Variants in RAD51B observed in about 807,000 individuals in gnomAD.
RAD51B encodes RAD51 paralog B.
In RAD51B, 38 loss-of-function variants were observed where a neutral mutation model predicts 42.2. The ratio of observed to expected loss-of-function variants is 0.90; its 90% CI spans 0.70 to 1.18. The LOEUF is 1.18. Among genes scored for constraint, RAD51B ranks in the 50% most tolerant of loss-of-function variants. The pLI is 0.00. For missense variants in RAD51B, 373 were observed against 400.7 expected (o/e 0.93, Z 0.59); for synonymous variants, 154 against 145.2 (o/e 1.06, Z -0.43).
intron 5 of RAD51B, among the ~76,000 whole-genome samples, chr14:67,872,106 G>A (rs2042556331): frequency 6.6e-6 from 1 of 150,596 alleles, no homozygotes; most frequent in African/African-American, 2.5e-5. Flanking sequence ...GGCAGGAGAA[G>A]GAAATAAAGG....
intron 8 of RAD51B, among the ~76,000 whole-genome samples, chr14:68,372,394 A>G (rs973337061): frequency 6.6e-6 from 1 of 152,102 alleles, no homozygotes; most frequent in Admixed American, 6.5e-5. Flanking sequence ...TCGCATTTTG[A>G]TATTGATGTA....
At chr14:68,360,839 C>T (rs1216965148) in intron 8 of RAD51B, among the ~76,000 whole-genome samples, 2 of 152,196 alleles carry the variant, frequency 1.3e-5, no homozygotes, top group East Asian at 3.8e-4. Flanking sequence ...GAATGGGCAG[C>T]TGTGTAGAAA....
In RAD51B at chr14:68,369,053, C is replaced by G. The variant is rs542702123; in HGVS notation, c.854-42371C>G. Among the ~76,000 whole-genome samples the G allele has an allele frequency of 7.9e-5, 12 of 152,300 alleles. No homozygotes were observed. The East Asian group carries it at 1.9e-3, about 25-fold the overall frequency. On this transcript the variant is annotated intron_variant, in intron 8 of 10. Coordinates refer to ENST00000471583, the MANE Select transcript of RAD51B (RefSeq NM_133510.4). ...AAAAACTAACAGCCTTCCTGAGTCT[C>G]TTGGCTGTAGAGTACCCAGCTCTTT...
At chr14:68,315,469 G>A (rs1007135462) in intron 8 of RAD51B, among the ~76,000 whole-genome samples, 1 of 152,032 alleles carries the variant, frequency 6.6e-6, no homozygotes, top group Admixed American at 6.6e-5. Flanking sequence ...TAAATAATAA[G>A]GTCTGCCAGC....
At chr14:67,974,297 T>C (rs1455114567) in intron 7 of RAD51B, among the ~76,000 whole-genome samples, 1 of 152,030 alleles carries the variant, frequency 6.6e-6, no homozygotes, top group African/African-American at 2.4e-5. Context: ...GAAAGAAAAC[T>C]CCTATTACTT....
intron 7 of RAD51B, among the ~76,000 whole-genome samples, chr14:68,146,423 T>TC (rs1426000620): frequency 2.0e-5 from 3 of 151,778 alleles, no homozygotes; most frequent in South Asian, 2.1e-4. Flanking sequence ...AGACTCTGTT[T>TC]CCCCCCCACG....
chr14:68,498,873 T>C (rs1301952168), intron 10 of RAD51B, among the ~76,000 whole-genome samples: 1 of 152,232 alleles, frequency 6.6e-6, no homozygotes, highest in East Asian at 1.9e-4. Context: ...TCAGCAATTT[T>C]GGAGGAAAGC....
At chr14:68,632,552 T>C (rs1892252605) in intron 10 of RAD51B, among the ~76,000 whole-genome samples, 1 of 152,176 alleles carries the variant, frequency 6.6e-6, no homozygotes, top group Non-Finnish European at 1.5e-5. Context: ...GATTTAGCCT[T>C]ATGGGGCCTG....
chr14:68,434,574 T>C (rs151332951), intron 9 of RAD51B, among the ~76,000 whole-genome samples: 4 of 152,296 alleles, frequency 2.6e-5, no homozygotes, highest in African/African-American at 9.6e-5. Flanking sequence ...TGGTGTGTCA[T>C]TTGCTAAGAC....
chr14:68,238,439 T>C (rs1595589820), intron 7 of RAD51B, among the ~76,000 whole-genome samples: 1 of 152,326 alleles, frequency 6.6e-6, no homozygotes, highest in African/African-American at 2.4e-5. Flanking sequence ...TAGCTAGTAC[T>C]ACAGGTATGT....
At chr14:68,317,195 T>A (rs1358803721) in intron 8 of RAD51B, among the ~76,000 whole-genome samples, 1 of 152,194 alleles carries the variant, frequency 6.6e-6, no homozygotes, top group Non-Finnish European at 1.5e-5. Flanking sequence ...GAGAAGCTGC[T>A]GCAGAACCTG....
chr14:68,657,407 C>T (rs1426167377), intron 11 of RAD51B, among the ~76,000 whole-genome samples: 1 of 152,224 alleles, frequency 6.6e-6, no homozygotes, highest in Admixed American at 6.5e-5. Context: ...TCTCGACCTC[C>T]AGGCTTCAAG....
intron 7 of RAD51B, among the ~76,000 whole-genome samples, chr14:68,289,975 A>C (rs914636857): frequency 1.2e-4 from 18 of 152,188 alleles, no homozygotes; most frequent in African/African-American, 3.6e-4. Context: ...ACAGAACTTA[A>C]AAGATTGTCT....
chr14:67,857,240 T>G (rs769188087), intron 4 of RAD51B, among the ~76,000 whole-genome samples: 3 of 152,164 alleles, frequency 2.0e-5, no homozygotes, highest in Non-Finnish European at 4.4e-5. Flanking sequence ...TGAAAAAAAT[T>G]TGTGAGCAGG....
intron 7 of RAD51B, among the ~76,000 whole-genome samples, chr14:68,276,806 A>G (rs1428097345): frequency 6.6e-6 from 1 of 152,234 alleles, no homozygotes; most frequent in East Asian, 1.9e-4. Context: ...TTTAAGACTT[A>G]GTTCATCAGA....
intron 10 of RAD51B, chr14:68,627,155 C>T (rs1360093657): frequency 6.6e-6 from 1 of 152,160 alleles, no homozygotes; most frequent in East Asian, 1.9e-4. Flanking sequence ...AATGAGATTG[C>T]TACGTGACTG....
chr14:67,865,223 A>C, intron 5 of RAD51B, 84 bp downstream of exon 5: 6 of 1,226,556 alleles, frequency 4.9e-6, no homozygotes, highest in South Asian at 2.4e-5. Flanking sequence ...GTTAACATTT[A>C]CCACCCCTCC....
At chr14:68,139,568 C>T (rs2078082028) in intron 7 of RAD51B, among the ~76,000 whole-genome samples, 4 of 152,200 alleles carry the variant, frequency 2.6e-5, no homozygotes, top group African/African-American at 9.7e-5. Flanking sequence ...GATAAATTAC[C>T]TAAGGGGTGG....
intron 10 of RAD51B, among the ~76,000 whole-genome samples, chr14:68,640,991 G>T (rs977753361): frequency 2.0e-5 from 3 of 152,190 alleles, no homozygotes; most frequent in Non-Finnish European, 2.9e-5. Flanking sequence ...TGTGTTAATG[G>T]TCTTTACCCT....
Sources: gnomAD v4.1 joint callset for allele counts (sites outside exome capture counted in the v4.1 genomes callset) on GRCh38, gnomAD v4.1.1 for gene constraint, MANE v1.5 for transcripts, NCBI Gene and HGNC (gene_info 2026-07-23, HGNC 2026-07-21) for gene names.